Variants in PRDM5 observed in about 807,000 individuals in gnomAD.
PRDM5 encodes PR/SET domain 5.
PRDM5 carries 56 observed loss-of-function variants against 81.2 expected under a neutral mutation model. The ratio of observed to expected loss-of-function variants is 0.69; its 90% CI spans 0.56 to 0.86. PRDM5 has a LOEUF of 0.86. Among genes scored for constraint, PRDM5 ranks in the 40% least tolerant of loss-of-function variants. The probability of loss-of-function intolerance (pLI) is 0.00; values close to 1 mark genes in which losing one functional copy is unlikely to be tolerated. For synonymous variants in PRDM5, 267 were observed against 256.4 expected, an observed-to-expected ratio of 1.04 and a Z score of -0.39; for missense variants, 697 against 770.1, an observed-to-expected ratio of 0.91 and a Z score of 1.12.
chr4:120,745,210 G>C (rs1200338587), intron 14 of PRDM5, among the ~76,000 whole-genome samples: 75 of 118,978 alleles, frequency 6.3e-4, no homozygotes, highest in African/African-American at 2.4e-3. Context: ...ATGCAGAAAA[G>C]GCCTTTGACA....
chr4:120,836,762 C>A (rs1466389026), intron 3 of PRDM5, among the ~76,000 whole-genome samples: 2 of 152,076 alleles, frequency 1.3e-5, no homozygotes, highest in Non-Finnish European at 2.9e-5. Context: ...GCTCTTTGTT[C>A]CACCACTTTC....
At chr4:120,874,861 T>C (rs565693117) in intron 2 of PRDM5, among the ~76,000 whole-genome samples, 1 of 152,204 alleles carries the variant, frequency 6.6e-6, no homozygotes, top group Non-Finnish European at 1.5e-5. Flanking sequence ...AGGAAGTATA[T>C]GTGTGTCCTA....
At chr4:120,861,302 C>G (rs1760542631) in intron 2 of PRDM5, among the ~76,000 whole-genome samples, 1 of 152,168 alleles carries the variant, frequency 6.6e-6, no homozygotes, top group Admixed American at 6.5e-5. Flanking sequence ...GCTATCATGA[C>G]CAGCCTGTAG....
intron 8 of PRDM5, among the ~76,000 whole-genome samples, chr4:120,806,584 G>A (rs1007071079): frequency 2.0e-5 from 3 of 152,090 alleles, no homozygotes; most frequent in Admixed American, 2.0e-4. Context: ...ACCTGACAAA[G>A]ACAAGAAATG....
At chr4:120,832,093 C>T (rs1279808872) in intron 3 of PRDM5, among the ~76,000 whole-genome samples, 1 of 152,076 alleles carries the variant, frequency 6.6e-6, no homozygotes, top group Non-Finnish European at 1.5e-5. Context: ...GGATCATACA[C>T]CCAAATTCTA....
intron 2 of PRDM5, among the ~76,000 whole-genome samples, chr4:120,858,286 T>C (rs1470273684): frequency 1.3e-5 from 2 of 152,206 alleles, no homozygotes; most frequent in Admixed American, 1.3e-4. Context: ...TGTTTTTAAC[T>C]AAAGTAAGGC....
chr4:120,814,401 A>AGG (rs913771196), intron 7 of PRDM5, among the ~76,000 whole-genome samples: 1 of 152,224 alleles, frequency 6.6e-6, no homozygotes, highest in Non-Finnish European at 1.5e-5. Flanking sequence ...TTATACCAGT[A>AGG]GGCCATGTGA....
In PRDM5 at chr4:120,808,598, C is replaced by T. The variant is rs559901572; in HGVS notation, c.945+2772G>A. On this transcript the variant is annotated intron_variant, in intron 8 of 15. Coordinates refer to ENST00000264808, the MANE Select transcript of PRDM5 (RefSeq NM_018699.4). The stretch of plus-strand genomic sequence containing the variant: ...CAGGTGGAGCTGCCTGCCAGTCCCG[C>T]GCTGTGTGCCCACACTCCTCAGCCC... 7.9e-5 allele frequency among the ~76,000 whole-genome samples: 12 copies of T among 152,264 alleles called. No homozygotes were observed. In the South Asian group the frequency reaches 8.3e-4, roughly 11 times the overall value.
intron 15 of PRDM5, among the ~76,000 whole-genome samples, chr4:120,704,461 A>C (rs1467482642): frequency 1.3e-5 from 2 of 152,320 alleles, no homozygotes; most frequent in East Asian, 3.9e-4. Context: ...TGCATTAGGA[A>C]AATATTTATT....
intron 10 of PRDM5, among the ~76,000 whole-genome samples, chr4:120,794,714 C>A (rs1454122517): frequency 6.6e-6 from 1 of 152,028 alleles, no homozygotes; most frequent in Non-Finnish European, 1.5e-5. Flanking sequence ...ACCTCCACCT[C>A]CCGGGTTCAA....
At chr4:120,866,039 C>T (rs746619030) in intron 2 of PRDM5, among the ~76,000 whole-genome samples, 5 of 152,204 alleles carry the variant, frequency 3.3e-5, no homozygotes, top group Non-Finnish European at 7.4e-5. Context: ...AATCTATCTT[C>T]GAATTCATCT....
At chr4:120,805,058 T>G (rs113407964) in intron 8 of PRDM5, among the ~76,000 whole-genome samples, 118,245 of 152,090 alleles carry the variant, frequency 0.78, 46,179 homozygotes, top group East Asian at 0.87. Flanking sequence ...TACCATCAGA[T>G]AATACTATCA....
intron 2 of PRDM5, among the ~76,000 whole-genome samples, chr4:120,879,884 G>A (rs549224779): frequency 5.9e-5 from 9 of 152,138 alleles, no homozygotes; most frequent in South Asian, 4.2e-4. Context: ...AGGGAGGGAC[G>A]AATAGAGTAC....
intron 10 of PRDM5, among the ~76,000 whole-genome samples, chr4:120,790,628 C>T (rs1750424916): frequency 6.6e-6 from 1 of 151,956 alleles, no homozygotes; most frequent in African/African-American, 2.4e-5. Context: ...AATTTTAGTC[C>T]TATGAAAAAA....
chr4:120,808,726 G>A (rs72678335), intron 8 of PRDM5, among the ~76,000 whole-genome samples: 8,466 of 152,238 alleles, frequency 0.056, 362 homozygotes, highest in Middle Eastern at 0.15. Context: ...GCTCAGGCAC[G>A]GTGGGCTGCA....
chr4:120,842,276 A>T (rs906350416), intron 3 of PRDM5, among the ~76,000 whole-genome samples: 1 of 152,252 alleles, frequency 6.6e-6, no homozygotes, highest in Non-Finnish European at 1.5e-5. Flanking sequence ...ACAGAGTAAA[A>T]ATGTGACACT....
At chr4:120,804,605 G>A (rs1220819532) in intron 8 of PRDM5, among the ~76,000 whole-genome samples, 1 of 152,086 alleles carries the variant, frequency 6.6e-6, no homozygotes, top group Non-Finnish European at 1.5e-5. Flanking sequence ...TGATTACTGG[G>A]TACATAACAA....
chr4:120,781,093 T>C (rs1748968677), intron 12 of PRDM5, 50 bp downstream of exon 12: 1 of 1,507,892 alleles, frequency 6.6e-7, no homozygotes, highest in Non-Finnish European at 9.2e-7. Context: ...TATATACCCA[T>C]ACTGCTTAAA....
At chr4:120,831,985 T>C (rs2149371254) in intron 3 of PRDM5, among the ~76,000 whole-genome samples, 1 of 152,222 alleles carries the variant, frequency 6.6e-6, no homozygotes, top group East Asian at 1.9e-4. Context: ...CCATACATAC[T>C]TCCTAACCAT....
Sources: allele counts gnomAD v4.1 joint callset (sites outside exome capture counted in the v4.1 genomes callset), GRCh38; gene constraint gnomAD v4.1.1; transcripts MANE v1.5; gene names NCBI Gene and HGNC (gene_info 2026-07-23, HGNC 2026-07-21).